STPG2: variants seen among roughly 807,000 people sequenced by gnomAD.
STPG2 encodes sperm-tail PG-rich repeat-containing protein 2.
A neutral mutation model predicts 54.2 loss-of-function variants in STPG2; 56 were observed. The ratio of observed to expected loss-of-function variants is 1.03; its 90% CI spans 0.83 to 1.29. STPG2 has a LOEUF of 1.29. STPG2 is among the 50% of genes most tolerant of loss of function. STPG2 has a pLI of 0.00. For missense variants in STPG2, 596 were observed against 544.9 expected (o/e 1.09, Z -0.93); for synonymous variants, 200 against 181.8 (o/e 1.10, Z -0.81).
At chr4:97,993,021 A>G (rs10025174) in intron 5 of STPG2, among the ~76,000 whole-genome samples, 60,031 of 151,964 alleles carry the variant, frequency 0.4, 12,021 homozygotes, top group Middle Eastern at 0.46. Flanking sequence ...TAATGTCATC[A>G]GCAAATAGCA....
intron 9 of STPG2, among the ~76,000 whole-genome samples, chr4:97,722,086 C>A: frequency 6.8e-6 from 1 of 147,838 alleles, no homozygotes; most frequent in East Asian, 2.0e-4. Context: ...TTAACAATGT[C>A]CAGGAGGGGA....
chr4:97,823,345 T>C (rs1018513515), intron 9 of STPG2, among the ~76,000 whole-genome samples: 1 of 152,202 alleles, frequency 6.6e-6, no homozygotes, highest in African/African-American at 2.4e-5. Flanking sequence ...CTGAAAATCC[T>C]AGGATCCTTA....
chr4:97,776,550 G>T (rs777720108), intron 9 of STPG2, among the ~76,000 whole-genome samples: 5 of 152,096 alleles, frequency 3.3e-5, no homozygotes, highest in African/African-American at 7.2e-5. Context: ...ATATTACAGC[G>T]AGATGAATGG....
chr4:97,916,180 T>C (rs1041136165), intron 8 of STPG2, among the ~76,000 whole-genome samples: 8 of 152,164 alleles, frequency 5.3e-5, no homozygotes, highest in African/African-American at 1.4e-4. Flanking sequence ...TATATTATCA[T>C]ATTAATTAGG....
intron 5 of STPG2, among the ~76,000 whole-genome samples, chr4:98,068,730 C>T (rs1452361000): frequency 6.6e-6 from 1 of 151,992 alleles, no homozygotes; most frequent in African/African-American, 2.4e-5. Flanking sequence ...GTGATTTCAT[C>T]ATTGTGCAAA....
At chr4:97,782,348 A>G (rs974509807) in intron 9 of STPG2, among the ~76,000 whole-genome samples, 2 of 152,192 alleles carry the variant, frequency 1.3e-5, no homozygotes, top group African/African-American at 4.8e-5. Flanking sequence ...AGAGAATAAA[A>G]CACCTAGGAA....
chr4:97,999,740 T>A (rs1281746311), intron 5 of STPG2, among the ~76,000 whole-genome samples: 1 of 152,240 alleles, frequency 6.6e-6, no homozygotes, highest in African/African-American at 2.4e-5. Flanking sequence ...GGAGAAAAAC[T>A]AATTTAATTT....
intron 10 of STPG2, among the ~76,000 whole-genome samples, chr4:97,661,577 C>T (rs1722377374): frequency 6.6e-6 from 1 of 152,000 alleles, no homozygotes. Context: ...AGGATATTGG[C>T]CATCAATATC....
intron 9 of STPG2, among the ~76,000 whole-genome samples, chr4:97,822,873 GAA>G (rs1728131785): frequency 6.6e-6 from 1 of 152,150 alleles, no homozygotes; most frequent in Non-Finnish European, 1.5e-5. Context: ...CATCTCTGGA[GAA>G]AGTTTGAGTG....
In STPG2 at chr4:97,677,921, T is replaced by C. The variant is rs1406215755; in HGVS notation, c.1320+34778A>G. On this transcript the variant is annotated intron_variant, in intron 10 of 10. Transcript: ENST00000295268. ...TATCCAGCATAGGTATTTTCAAGAT[T>C]AGGAGATTGTTGTAGTTCTCATTCA... Among the ~76,000 whole-genome samples, 3 of 152,300 alleles carry C rather than the reference T, an allele frequency of 2.0e-5. No homozygotes were observed. In the East Asian group the frequency reaches 5.8e-4, roughly 29 times the overall value.
At chr4:97,830,132 G>A (rs778358131) in intron 9 of STPG2, among the ~76,000 whole-genome samples, 7 of 152,078 alleles carry the variant, frequency 4.6e-5, no homozygotes, top group East Asian at 1.9e-4. Flanking sequence ...GGGAAAAGTC[G>A]CATTATCCAC....
Position 97,981,155 on chromosome 4 carries a change from T to C in STPG2, c.772+4A>G. On this transcript the variant is annotated splice_donor_region_variant and intron_variant, in intron 6 of 10. Transcript: ENST00000295268. Reference sequence around the variant, plus strand: ...GAGTAGACATATATAGATAAATTGCTAACCTGGCATTTCCTCTGTCCTGAT... The same window carrying C: ...GAGTAGACATATATAGATAAATTGCCAACCTGGCATTTCCTCTGTCCTGAT... The C allele has an allele frequency of 1.2e-6, 2 of 1,613,032 alleles. No homozygotes were observed. The highest frequency in any genetic ancestry group is 1.3e-5 in the African/African-American group (1 of 75,034).
chr4:97,782,612 G>T (rs1409585808), intron 9 of STPG2, among the ~76,000 whole-genome samples: 1 of 152,108 alleles, frequency 6.6e-6, no homozygotes, highest in Admixed American at 6.6e-5. Context: ...AAAAGCGCCT[G>T]CATTGCCAAG....
chr4:97,721,710 C>T (rs754184291), intron 9 of STPG2, among the ~76,000 whole-genome samples: 1 of 151,986 alleles, frequency 6.6e-6, no homozygotes, highest in Non-Finnish European at 1.5e-5. Context: ...TGACTTGTTA[C>T]AGCTCAGAAG....
At chr4:97,784,045 T>C (rs1726743809) in intron 9 of STPG2, among the ~76,000 whole-genome samples, 2 of 148,854 alleles carry the variant, frequency 1.3e-5, no homozygotes, top group Admixed American at 1.4e-4. Flanking sequence ...TGTACACATG[T>C]ACCCTAGAAC....
At chr4:98,091,111 A>G (rs1441179771) in intron 5 of STPG2, among the ~76,000 whole-genome samples, 5 of 152,004 alleles carry the variant, frequency 3.3e-5, no homozygotes, top group Admixed American at 3.3e-4. Flanking sequence ...TCATCCTCCC[A>G]CATCAAATTA....
At chr4:97,481,732 G>C (rs1730225051) in intron 4 of STPG2, among the ~76,000 whole-genome samples, 1 of 151,364 alleles carries the variant, frequency 6.6e-6, no homozygotes, top group Non-Finnish European at 1.5e-5. Context: ...ATTAATTCTA[G>C]TGTCTTTTTT....
intron 9 of STPG2, among the ~76,000 whole-genome samples, chr4:97,751,380 G>A (rs1436259775): frequency 1.3e-5 from 2 of 151,662 alleles, no homozygotes; most frequent in Admixed American, 1.3e-4. Context: ...AATTGCTCTT[G>A]GGAACCCCCA....
intron 8 of STPG2, among the ~76,000 whole-genome samples, chr4:97,848,587 T>G (rs2149128259): frequency 6.6e-6 from 1 of 152,282 alleles, no homozygotes; most frequent in African/African-American, 2.4e-5. Context: ...CTCAAGATAT[T>G]GACTGTAGCT....
Sources: gnomAD v4.1 joint callset for allele counts (sites outside exome capture counted in the v4.1 genomes callset) on GRCh38, gnomAD v4.1.1 for gene constraint, MANE v1.5 for transcripts, NCBI Gene and HGNC (gene_info 2026-07-23, HGNC 2026-07-21) for gene names.